CELF4: variants seen among roughly 807,000 people sequenced by gnomAD.
CELF4 encodes the protein CUGBP Elav-like family member 4, also known as CUG-BP- and ETR-3-like factor 4.
Under a neutral mutation model 59.9 loss-of-function variants are expected in CELF4, and 18 were observed. That is an observed-to-expected ratio of 0.30 (90% CI 0.21 to 0.45). The LOEUF is 0.45. CELF4 is among the 20% of genes least tolerant of loss of function. The pLI is 1.00. For synonymous variants in CELF4, 261 were observed against 267.1 expected, an observed-to-expected ratio of 0.98 and a Z score of 0.22; for missense variants, 456 against 689.0, an observed-to-expected ratio of 0.66 and a Z score of 3.79.
chr18:37,346,223 G>A (rs1233518458), intron 2 of CELF4, among the ~76,000 whole-genome samples: 2 of 152,318 alleles, frequency 1.3e-5, no homozygotes, highest in East Asian at 3.9e-4. Context: ...TAGTGCAGCT[G>A]CATTCCGGCA....
chr18:37,502,394 G>T (rs1451252311), intron 1 of CELF4, among the ~76,000 whole-genome samples: 1 of 152,168 alleles, frequency 6.6e-6, no homozygotes, highest in East Asian at 1.9e-4. Context: ...GGAAGGAAGG[G>T]GGGGCAGGGA....
At chr18:37,530,573 C>T (rs2099968506) in intron 1 of CELF4, among the ~76,000 whole-genome samples, 1 of 152,160 alleles carries the variant, frequency 6.6e-6, no homozygotes. Flanking sequence ...TTCCATCTCC[C>T]AAATCAGGAG....
chr18:37,274,637 AG>A, intron 5 of CELF4, 167 bp downstream of exon 5: 1 of 1,496,776 alleles, frequency 6.7e-7, no homozygotes, highest in Non-Finnish European at 8.9e-7. Context: ...GGGTAACCTC[AG>A]GCCAGTTCCT....
intron 1 of CELF4, among the ~76,000 whole-genome samples, chr18:37,544,222 C>T (rs1038379053): frequency 1.7e-4 from 25 of 150,310 alleles, no homozygotes; most frequent in Non-Finnish European, 4.4e-5. Flanking sequence ...CAGGCTCTGT[C>T]AGATGCTCCA....
chr18:37,361,712 C>G (rs2098705585), intron 2 of CELF4, among the ~76,000 whole-genome samples: 1 of 152,132 alleles, frequency 6.6e-6, no homozygotes, highest in African/African-American at 2.4e-5. Flanking sequence ...TAAGGGGTCA[C>G]TCCTGCTCAT....
In CELF4 at chr18:37,394,601, T is replaced by C. The variant is rs2099217286; in HGVS notation, c.370-72720A>G. ...TGCCCGGCAACGGGTAACTTTTCAT[T>C]AGAGACACAGATGTCTTCATAAGGC... On this transcript the variant is annotated intron_variant, in intron 2 of 12. Coordinates refer to ENST00000420428, the MANE Select transcript of CELF4 (RefSeq NM_020180.4). 3.3e-5 allele frequency among the ~76,000 whole-genome samples: 5 copies of C among 152,146 alleles called. No homozygotes were observed. The South Asian group carries it at 8.3e-4, about 25-fold the overall frequency.
chr18:37,428,312 C>A (rs747929302), intron 2 of CELF4, among the ~76,000 whole-genome samples: 1 of 151,036 alleles, frequency 6.6e-6, no homozygotes. Flanking sequence ...AAGGAGGGGG[C>A]GGTGTGGAAC....
intron 1 of CELF4, among the ~76,000 whole-genome samples, chr18:37,502,590 G>C (rs1295285943): frequency 6.6e-6 from 1 of 152,224 alleles, no homozygotes; most frequent in Non-Finnish European, 1.5e-5. Flanking sequence ...GGTGGCCTGA[G>C]TGTGGCCCGG....
At chr18:37,504,076 A>G (rs1008429134) in intron 1 of CELF4, among the ~76,000 whole-genome samples, 5 of 152,194 alleles carry the variant, frequency 3.3e-5, no homozygotes, top group Non-Finnish European at 7.3e-5. Context: ...CGTGGGTTTT[A>G]TGCTCACAGC....
intron 2 of CELF4, among the ~76,000 whole-genome samples, chr18:37,363,349 G>A (rs1010010355): frequency 6.6e-6 from 1 of 152,146 alleles, no homozygotes; most frequent in African/African-American, 2.4e-5. Flanking sequence ...AGGAAAGGAG[G>A]AAACATTTTT....
chr18:37,528,097 A>G (rs1298439157), intron 1 of CELF4, among the ~76,000 whole-genome samples: 1 of 152,242 alleles, frequency 6.6e-6, no homozygotes, highest in Non-Finnish European at 1.5e-5. Context: ...TGACTTGTTC[A>G]AGGCCTTACA....
chr18:37,289,812 G>A (rs920593372), intron 3 of CELF4, among the ~76,000 whole-genome samples: 1 of 152,214 alleles, frequency 6.6e-6, no homozygotes, highest in Admixed American at 6.5e-5. Context: ...TCTGGTGGCT[G>A]CACCGCCTTC....
At chr18:37,492,900 G>T (rs2099910955) in intron 1 of CELF4, among the ~76,000 whole-genome samples, 1 of 152,094 alleles carries the variant, frequency 6.6e-6, no homozygotes, top group Non-Finnish European at 1.5e-5. Flanking sequence ...GCGGGAAAAA[G>T]ACCCCATGGG....
intron 1 of CELF4, among the ~76,000 whole-genome samples, chr18:37,513,177 C>T (rs980393751): frequency 2.0e-5 from 3 of 152,226 alleles, no homozygotes; most frequent in Non-Finnish European, 4.4e-5. Flanking sequence ...AATGGAACAA[C>T]AGCCCTTTGT....
intron 8 of CELF4, among the ~76,000 whole-genome samples, chr18:37,268,778 T>G (rs1463740113): frequency 6.6e-6 from 1 of 152,232 alleles, no homozygotes; most frequent in Non-Finnish European, 1.5e-5. Context: ...CATTAGTAAC[T>G]GCCAAAGAGT....
intron 2 of CELF4, among the ~76,000 whole-genome samples, chr18:37,470,878 G>GAC (rs2099819775): frequency 1.3e-4 from 14 of 111,698 alleles, no homozygotes; most frequent in East Asian, 6.5e-4. Flanking sequence ...GTGTGTGTGT[G>GAC]TGTGTGTGTG....
intron 1 of CELF4, among the ~76,000 whole-genome samples, chr18:37,533,218 G>C (rs1420347748): frequency 6.6e-6 from 1 of 152,176 alleles, no homozygotes; most frequent in African/African-American, 2.4e-5. Context: ...TTCCTGTCTT[G>C]GTTCACAGAC....
chr18:37,283,593 G>C (rs1480496898), intron 3 of CELF4, among the ~76,000 whole-genome samples: 1 of 152,134 alleles, frequency 6.6e-6, no homozygotes, highest in Non-Finnish European at 1.5e-5. Flanking sequence ...TGAGCATTGG[G>C]GGTGGGGCTG....
intron 3 of CELF4, among the ~76,000 whole-genome samples, chr18:37,294,008 TAAAC>T (rs1456181112): frequency 1.6e-4 from 24 of 152,242 alleles, no homozygotes; most frequent in African/African-American, 5.3e-4. Context: ...AACTTCCAGA[TAAAC>T]AATTTCACAA....
Sources: gnomAD v4.1 joint callset for allele counts (sites outside exome capture counted in the v4.1 genomes callset) on GRCh38, gnomAD v4.1.1 for gene constraint, MANE v1.5 for transcripts, NCBI Gene and HGNC (gene_info 2026-07-23, HGNC 2026-07-21) for gene names.